Variants in ASTN2 observed in about 807,000 individuals in gnomAD.
The protein encoded by ASTN2 is astrotactin 2, also known as astrotactin-2.
A neutral mutation model predicts 139.8 loss-of-function variants in ASTN2; 54 were observed. The ratio of observed to expected loss-of-function variants is 0.39; its 90% confidence interval spans 0.31 to 0.48. The LOEUF (loss-of-function observed/expected upper bound fraction) is 0.48. Ranked by LOEUF, ASTN2 falls within the 20% of genes least tolerant of loss-of-function variation. The probability of loss-of-function intolerance (pLI) is 0.95; values close to 1 mark genes in which losing one functional copy is unlikely to be tolerated. For synonymous variants in ASTN2, 756 were observed against 719.5 expected (o/e 1.05, Z -0.81); for missense variants, 1,565 against 1,725.1 (o/e 0.91, Z 1.64).
chr9:117,128,387 A>AAG (rs1829751415), intron 4 of ASTN2, among the ~76,000 whole-genome samples: 1 of 151,336 alleles, frequency 6.6e-6, no homozygotes, highest in African/African-American at 2.4e-5. Context: ...AAAAAAAAAA[A>AAG]AAAAAAAAAA....
At chr9:116,765,815 A>G (rs1395448069) in intron 13 of ASTN2, among the ~76,000 whole-genome samples, 2 of 152,188 alleles carry the variant, frequency 1.3e-5, no homozygotes, top group Non-Finnish European at 1.5e-5. Flanking sequence ...GCACAGAGTG[A>G]CACTTGGAAG....
chr9:117,262,406 T>TTTAA (rs1178370969), intron 2 of ASTN2, among the ~76,000 whole-genome samples: 1 of 72,352 alleles, frequency 1.4e-5, no homozygotes, highest in African/African-American at 3.0e-5. Flanking sequence ...TTTTTATTTA[T>TTTAA]TTATTTATTT....
At chr9:117,083,783 G>T (rs1828491004) in intron 5 of ASTN2, among the ~76,000 whole-genome samples, 1 of 152,128 alleles carries the variant, frequency 6.6e-6, no homozygotes, top group African/African-American at 2.4e-5. Context: ...ATCGCCTTTG[G>T]TCTCCCATTT....
chr9:117,287,745 T>C (rs1834485783), intron 2 of ASTN2, among the ~76,000 whole-genome samples: 1 of 152,184 alleles, frequency 6.6e-6, no homozygotes, highest in Non-Finnish European at 1.5e-5. Context: ...CTAAAGCCAA[T>C]GTCTTTTTAC....
At chr9:117,241,932 CCACACACA>C (rs956025540) in intron 2 of ASTN2, among the ~76,000 whole-genome samples, 1 of 147,768 alleles carries the variant, frequency 6.8e-6, no homozygotes, top group Non-Finnish European at 1.5e-5. Flanking sequence ...TTACCCCCCC[CCACACACA>C]CACACACCAC....
intron 10 of ASTN2, 25 bp downstream of exon 10, chr9:116,975,183 C>G: frequency 6.3e-7 from 1 of 1,581,552 alleles, no homozygotes; most frequent in South Asian, 1.2e-5. Context: ...AGTACCTATG[C>G]AGAGTACTGG....
chr9:116,819,157 C>G (rs1173320186), intron 12 of ASTN2, among the ~76,000 whole-genome samples: 1 of 152,078 alleles, frequency 6.6e-6, no homozygotes, highest in East Asian at 1.9e-4. Flanking sequence ...ATGTCAAAAT[C>G]CATTATTGCT....
chr9:116,993,852 T>TTATATATATATA lies in ASTN2; in HGVS notation c.1591+14239_1591+14240insTATATATATATA, dbSNP rs1468663808. 2.6e-4 allele frequency among the ~76,000 whole-genome samples: 7 copies of TTATATATATATA among 26,680 alleles called. No homozygotes were observed. The East Asian group carries it at 8.1e-3, about 31-fold the overall frequency. 17.5% of individuals were successfully genotyped at this position (26,680 alleles called of 152,430 possible). On this transcript the variant is annotated intron_variant, in intron 7 of 22. Coordinates refer to ENST00000313400, the MANE Select transcript of ASTN2 (RefSeq NM_001365068.1). ...TAGTATACTTTATATAGTATGTACA[T>TTATATATATATA]GATATATATATATATATATATATAT...
At chr9:116,723,820 G>A (rs939320592) in intron 16 of ASTN2, among the ~76,000 whole-genome samples, 1 of 152,158 alleles carries the variant, frequency 6.6e-6, no homozygotes, top group Non-Finnish European at 1.5e-5. Context: ...CTTTTCTTGG[G>A]AGCAAGTATG....
At chr9:116,678,988 A>C (rs1859672582) in intron 16 of ASTN2, among the ~76,000 whole-genome samples, 1 of 152,324 alleles carries the variant, frequency 6.6e-6, no homozygotes, top group South Asian at 2.1e-4. Flanking sequence ...AAGATAATGA[A>C]AGGGTTTCGT....
chr9:116,845,341 G>A (rs985387918), intron 11 of ASTN2, among the ~76,000 whole-genome samples: 7 of 151,986 alleles, frequency 4.6e-5, no homozygotes, highest in East Asian at 1.9e-4. Flanking sequence ...GGATGGTCTC[G>A]GTCTCCTGAC....
intron 13 of ASTN2, among the ~76,000 whole-genome samples, chr9:116,788,416 A>C (rs1210689314): frequency 6.6e-6 from 1 of 152,226 alleles, no homozygotes; most frequent in East Asian, 1.9e-4. Context: ...ATGTCAAAAC[A>C]TCACATTCTA....
At chr9:117,317,115 C>G (rs931519226) in intron 1 of ASTN2, among the ~76,000 whole-genome samples, 3 of 152,164 alleles carry the variant, frequency 2.0e-5, no homozygotes, top group Non-Finnish European at 2.9e-5. Context: ...CTCTCTCTCT[C>G]TGTGTATGTC....
intron 1 of ASTN2, among the ~76,000 whole-genome samples, chr9:117,297,366 T>C (rs1191066725): frequency 1.3e-5 from 2 of 152,240 alleles, no homozygotes; most frequent in African/African-American, 2.4e-5. Flanking sequence ...TCATGGGTGA[T>C]TGTCACACAT....
intron 1 of ASTN2, among the ~76,000 whole-genome samples, chr9:117,375,739 C>G (rs867066323): frequency 1.3e-5 from 2 of 152,168 alleles, no homozygotes; most frequent in Admixed American, 6.5e-5. Flanking sequence ...TGACCACAAA[C>G]TTAGTGGCAT....
chr9:116,855,441 C>G (rs945690505), intron 11 of ASTN2, among the ~76,000 whole-genome samples: 4 of 152,024 alleles, frequency 2.6e-5, no homozygotes, highest in African/African-American at 9.7e-5. Flanking sequence ...TTCTTATGTC[C>G]TTTTCCAATA....
chr9:117,319,936 G>C (rs2130829469), intron 1 of ASTN2, among the ~76,000 whole-genome samples: 1 of 152,286 alleles, frequency 6.6e-6, no homozygotes, highest in African/African-American at 2.4e-5. Context: ...ACAGGTTTAA[G>C]TCAACAACAT....
chr9:116,928,795 C>T (rs1006706572), intron 10 of ASTN2, among the ~76,000 whole-genome samples: 19 of 151,634 alleles, frequency 1.3e-4, no homozygotes, highest in Admixed American at 3.9e-4. Flanking sequence ...GTATTAAGGG[C>T]GTTCATAGCA....
chr9:116,699,818 G>C lies in ASTN2; in HGVS notation c.2806+25953C>G. 4 of 1,458,212 alleles carry C rather than the reference G, an allele frequency of 2.7e-6. No homozygotes were observed. The highest frequency in any genetic ancestry group is 2.9e-6 in the Non-Finnish European group (3 of 1,052,268). 90.3% of individuals were successfully genotyped at this position (1,458,212 alleles called of 1,614,324 possible). On this transcript the variant is annotated intron_variant, in intron 16 of 22. Transcript: ENST00000313400. The surrounding 1 kb of genome is among the most constrained non-coding windows in gnomAD (Gnocchi z 4.2). ...CAGCCTATGTCCTGATTCCAGCTGG[G>C]TAGTTCTAGAACTTCAGAAGCTCCA...
Sources: allele counts gnomAD v4.1 joint callset (sites outside exome capture counted in the v4.1 genomes callset), GRCh38; gene constraint gnomAD v4.1.1; non-coding constraint Gnocchi (gnomAD v3.1); transcripts MANE v1.5; gene names NCBI Gene and HGNC (gene_info 2026-07-23, HGNC 2026-07-21).